Variants in NR2F1-AS1 observed in about 807,000 individuals in gnomAD.
NR2F1-AS1 encodes NR2F1 regulatory antisense RNA 1.
chr5:93,433,884 T>C (rs917125686), intron 4 of NR2F1-AS1, among the ~76,000 whole-genome samples: 3 of 152,164 alleles, frequency 2.0e-5, no homozygotes, highest in African/African-American at 7.2e-5. Flanking sequence ...TATTTACTTT[T>C]ACCAAAAGTA....
At position 93,518,215 on chromosome 5, in the gene NR2F1-AS1, A is replaced by C. The variant is rs148234285; in HGVS notation, n.638+35546T>G. On this transcript the variant is annotated intron_variant and non_coding_transcript_variant, in intron 4 of 5. Coordinates refer to ENST00000660523, the Ensembl canonical transcript of NR2F1-AS1. ...AGTTTTTCAAAATTGCTTTTATGAT[A>C]AATGTTAGTAATGTGATACAGACCT... Among the ~76,000 whole-genome samples, 369 of 152,244 alleles carry C rather than the reference A, an allele frequency of 2.4e-3. 2 individuals carry two copies. The highest frequency in any genetic ancestry group is 8.4e-3 in the African/African-American group (348 of 41,564).
intron 4 of NR2F1-AS1, among the ~76,000 whole-genome samples, chr5:93,541,324 C>G (rs1751945430): frequency 6.6e-6 from 1 of 152,142 alleles, no homozygotes. Flanking sequence ...CTCCTGTATT[C>G]CAGTCAGAAT....
intron 1 of NR2F1-AS1, among the ~76,000 whole-genome samples, chr5:93,572,864 G>T (rs1193788327): frequency 6.6e-6 from 1 of 152,260 alleles, no homozygotes; most frequent in African/African-American, 2.4e-5. Flanking sequence ...GTTTCAGGCA[G>T]ATGTTGTTAT....
chr5:93,492,113 G>C (rs1750864241), intron 4 of NR2F1-AS1, among the ~76,000 whole-genome samples: 1 of 152,136 alleles, frequency 6.6e-6, no homozygotes, highest in African/African-American at 2.4e-5. Context: ...AGAAAGCAGA[G>C]ATATTAGTAT....
chr5:93,499,572 A>G (rs1292435920), intron 4 of NR2F1-AS1, among the ~76,000 whole-genome samples: 1 of 152,096 alleles, frequency 6.6e-6, no homozygotes, highest in East Asian at 1.9e-4. Flanking sequence ...CTGCTCCACC[A>G]ACCAGCAGTT....
chr5:93,584,830 AGCG>A (rs972209175), upstream of NR2F1-AS1: 33 of 156,264 alleles, frequency 2.1e-4, no homozygotes, highest in Non-Finnish European at 3.4e-4. Flanking sequence ...TAGCGGCGGC[AGCG>A]GCGGCGGCGG....
In NR2F1-AS1 at chr5:93,565,539, T is replaced by A. The variant is rs554033631; in HGVS notation, n.314-2076A>T. Among the ~76,000 whole-genome samples, 20 of 152,226 alleles carry A rather than the reference T, an allele frequency of 1.3e-4. No individual in the cohort carries two copies. In the South Asian group the frequency reaches 3.7e-3, roughly 28 times the overall value. On this transcript the variant is annotated intron_variant and non_coding_transcript_variant, in intron 1 of 5. Coordinates refer to ENST00000660523, the Ensembl canonical transcript of NR2F1-AS1. ...TTTCAAGAAGCCATAAAGAAATATA[T>A]TCTGGAAGGCTTCAATTGTACTGTT...
At chr5:93,513,747 C>T (rs1214023220) in intron 4 of NR2F1-AS1, among the ~76,000 whole-genome samples, 2 of 152,080 alleles carry the variant, frequency 1.3e-5, no homozygotes, top group South Asian at 2.1e-4. Context: ...CATCCCAAAC[C>T]TCAGCATCAT....
intron 4 of NR2F1-AS1, among the ~76,000 whole-genome samples, chr5:93,510,431 C>T (rs1166034735): frequency 7.9e-5 from 12 of 152,238 alleles, no homozygotes. Flanking sequence ...GCATCTAACT[C>T]CTCCTCCTTG....
chr5:93,491,944 A>G (rs901119718), intron 4 of NR2F1-AS1, among the ~76,000 whole-genome samples: 1 of 152,206 alleles, frequency 6.6e-6, no homozygotes, highest in Non-Finnish European at 1.5e-5. Context: ...CCATAATCAC[A>G]TAAGCCAATT....
chr5:93,562,861 AC>A (rs1366390919), intron 2 of NR2F1-AS1, among the ~76,000 whole-genome samples: 1 of 152,258 alleles, frequency 6.6e-6, no homozygotes, highest in African/African-American at 2.4e-5. Context: ...TACTTCGAGA[AC>A]AATAAGCACA....
intron 4 of NR2F1-AS1, among the ~76,000 whole-genome samples, chr5:93,492,074 A>T (rs149963271): frequency 9.9e-4 from 151 of 152,336 alleles, no homozygotes; most frequent in African/African-American, 3.4e-3. Flanking sequence ...TTATAAAAAA[A>T]GAAAGATGAA....
intron 1 of NR2F1-AS1, among the ~76,000 whole-genome samples, chr5:93,578,740 C>T (rs1055273471): frequency 6.6e-6 from 1 of 152,208 alleles, no homozygotes; most frequent in Non-Finnish European, 1.5e-5. Context: ...ACTACAACTG[C>T]GTTTTCTGCT....
chr5:93,507,609 C>T (rs1288495534), intron 4 of NR2F1-AS1, among the ~76,000 whole-genome samples: 4 of 152,122 alleles, frequency 2.6e-5, no homozygotes, highest in South Asian at 2.1e-4. Flanking sequence ...CAGCCTGCCT[C>T]GGCCTTCCAA....
At chr5:93,555,847 T>C (rs966325788) in intron 2 of NR2F1-AS1, among the ~76,000 whole-genome samples, 10 of 152,202 alleles carry the variant, frequency 6.6e-5, no homozygotes, top group African/African-American at 1.2e-4. Context: ...CACAGGAATA[T>C]CAACATGTGA....
chr5:93,421,265 T>C (rs1749082420), intron 4 of NR2F1-AS1, among the ~76,000 whole-genome samples: 1 of 152,050 alleles, frequency 6.6e-6, no homozygotes, highest in Admixed American at 6.6e-5. Context: ...GCACTGGAAA[T>C]GTTTCTGTGT....
intron 4 of NR2F1-AS1, among the ~76,000 whole-genome samples, chr5:93,465,074 T>C (rs552041044): frequency 1.2e-4 from 18 of 152,158 alleles, no homozygotes; most frequent in African/African-American, 4.3e-4. Context: ...AATAGAAAAA[T>C]GGGATCTAAT....
intron 2 of NR2F1-AS1, among the ~76,000 whole-genome samples, chr5:93,559,111 A>G (rs897013394): frequency 1.3e-5 from 2 of 152,114 alleles, no homozygotes; most frequent in Non-Finnish European, 2.9e-5. Context: ...ATAGAAGGCC[A>G]TTTCATCTAC....
intron 4 of NR2F1-AS1, among the ~76,000 whole-genome samples, chr5:93,530,301 CTT>C (rs1302942687): frequency 6.6e-6 from 1 of 152,104 alleles, no homozygotes; most frequent in African/African-American, 2.4e-5. Flanking sequence ...AGGAGAGTCT[CTT>C]GATCTCCTGA....
Sources: gnomAD v4.1 joint callset for allele counts (sites outside exome capture counted in the v4.1 genomes callset) on GRCh38, gnomAD v4.1.1 for gene constraint, MANE v1.5 for transcripts, NCBI Gene and HGNC (gene_info 2026-07-23, HGNC 2026-07-21) for gene names.